The following BCO1 variants were observed in gnomAD, a reference collection of about 807,000 sequenced individuals.
BCO1 encodes beta-carotene oxygenase 1.
In BCO1, 54 loss-of-function variants were observed where a neutral mutation model predicts 56.3. The observed-to-expected ratio is 0.96, with a 90% confidence interval of 0.77 to 1.20. The LOEUF is 1.20. Ranked by LOEUF, BCO1 falls within the 50% of genes most tolerant of loss-of-function variation. The pLI is 0.00. For missense variants in BCO1, 801 were observed against 690.9 expected, an observed-to-expected ratio of 1.16 and a Z score of -1.79; for synonymous variants, 318 against 266.1, an observed-to-expected ratio of 1.20 and a Z score of -1.90.
intron 2 of BCO1, among the ~76,000 whole-genome samples, chr16:81,250,091 A>G (rs1290426865): frequency 6.6e-6 from 1 of 152,166 alleles, no homozygotes; most frequent in Non-Finnish European, 1.5e-5. Flanking sequence ...TTTCATGTCC[A>G]TCCACAACTC....
chr16:81,254,971 A>T (rs574157241), intron 2 of BCO1, among the ~76,000 whole-genome samples: 1 of 152,038 alleles, frequency 6.6e-6, no homozygotes, highest in Non-Finnish European at 1.5e-5. Context: ...ATTTGTAGAG[A>T]TGGGGTCTCG....
At chr16:81,268,679 A>ATGTATATGTGCATGTATG (rs1356348054) in intron 6 of BCO1, among the ~76,000 whole-genome samples, 1 of 152,120 alleles carries the variant, frequency 6.6e-6, no homozygotes, top group African/African-American at 2.4e-5. Flanking sequence ...ATATGTGTAC[A>ATGTATATGTGCATGTATG]TGTATATGTG....
intron 1 of BCO1, among the ~76,000 whole-genome samples, chr16:81,240,769 CTT>C (rs1268680486): frequency 6.6e-6 from 1 of 151,572 alleles, no homozygotes; most frequent in Non-Finnish European, 1.5e-5. Flanking sequence ...GAAACACTGT[CTT>C]TATTATTTGG....
At chr16:81,241,629 C>G (rs113484608) in intron 1 of BCO1, among the ~76,000 whole-genome samples, 1,912 of 152,280 alleles carry the variant, frequency 0.013, 29 homozygotes, top group African/African-American at 0.043. Flanking sequence ...TCAGGCGATT[C>G]CAAAGGTAAG....
At chr16:81,271,026 G>A (rs887219108) in intron 7 of BCO1, among the ~76,000 whole-genome samples, 1 of 152,154 alleles carries the variant, frequency 6.6e-6, no homozygotes, top group African/African-American at 2.4e-5. Context: ...TTACAGGCGT[G>A]AGCCACTGCA....
At chr16:81,268,530 C>T (rs550102226) in intron 6 of BCO1, among the ~76,000 whole-genome samples, 3 of 152,242 alleles carry the variant, frequency 2.0e-5, no homozygotes, top group East Asian at 1.9e-4. Context: ...GGGGCGGTAG[C>T]GGCCAGAGGT....
intron 8 of BCO1, among the ~76,000 whole-genome samples, chr16:81,283,970 G>A (rs1908022427): frequency 6.6e-6 from 1 of 151,744 alleles, no homozygotes; most frequent in Admixed American, 6.6e-5. Context: ...CGGATCATGA[G>A]GTCAGGAGAT....
At chr16:81,252,347 C>A (rs539094247) in intron 2 of BCO1, among the ~76,000 whole-genome samples, 1 of 152,222 alleles carries the variant, frequency 6.6e-6, no homozygotes, top group East Asian at 1.9e-4. Context: ...GCAACCTCTA[C>A]CTCCCAGGCT....
intron 7 of BCO1, 139 bp downstream of exon 7, chr16:81,270,555 C>A (rs1429104964): frequency 7.7e-6 from 9 of 1,161,670 alleles, no homozygotes. Context: ...ATTGTTTTTC[C>A]CAAAGTAGTA....
chr16:81,284,834 CTTTTCTTTTT>C (rs1169590813), intron 8 of BCO1, among the ~76,000 whole-genome samples: 1 of 147,654 alleles, frequency 6.8e-6, no homozygotes, highest in Non-Finnish European at 1.5e-5. Flanking sequence ...CTTTTCTTTT[CTTTTCTTTTT>C]TTTTTTTTTC....
intron 5 of BCO1, 145 bp downstream of exon 5, chr16:81,264,932 C>T (rs72833320): frequency 5.7e-6 from 5 of 884,626 alleles, no homozygotes; most frequent in African/African-American, 1.7e-5. Context: ...TCAGTACTTT[C>T]CTTTAGAAGA....
rs1201192259 is a variant in BCO1 at position 81,285,092 on chromosome 16, G to A, written c.1208-448G>A. 4.7e-5 allele frequency among the ~76,000 whole-genome samples: 7 copies of A among 149,790 alleles called. No individual in the cohort carries two copies. In the East Asian group the frequency reaches 8.1e-4, roughly 17 times the overall value. ...CGAACTCAAGTGATCTGCCCGCCTC[G>A]GCCTCCCAAAGTGCTGAGATTACAG... On this transcript the variant is annotated intron_variant, in intron 8 of 10. Transcript: ENST00000258168.
chr16:81,287,538 T>C, intron 10 of BCO1, 132 bp downstream of exon 10: 1 of 750,394 alleles, frequency 1.3e-6, no homozygotes, highest in Admixed American at 2.0e-5. Context: ...AGTGTACATC[T>C]GTCTGGGTCA....
At chr16:81,250,711 G>C (rs145198998) in intron 2 of BCO1, among the ~76,000 whole-genome samples, 1 of 151,350 alleles carries the variant, frequency 6.6e-6, no homozygotes, top group Non-Finnish European at 1.5e-5. Flanking sequence ...CTCTGGAGTA[G>C]CTAGGATTAC....
chr16:81,240,547 A>C (rs1334500915), intron 1 of BCO1, among the ~76,000 whole-genome samples: 1 of 152,036 alleles, frequency 6.6e-6, no homozygotes, highest in Non-Finnish European at 1.5e-5. Flanking sequence ...TCTACTAAAA[A>C]TACACAAATT....
chr16:81,248,507 A>G (rs1470928488), intron 2 of BCO1, among the ~76,000 whole-genome samples: 1 of 151,928 alleles, frequency 6.6e-6, no homozygotes, highest in East Asian at 1.9e-4. Flanking sequence ...TTGCTCTAAC[A>G]TTTACACATG....
In BCO1 at chr16:81,238,846, T is replaced by A; in HGVS notation, c.-63T>A. On this transcript the variant is annotated 5_prime_UTR_variant, in exon 1 of 11. Transcript: ENST00000258168. ...AAACGCAGGAGGAGGGAGCAGCATCTCCTGTGAACACAGAGGAGCACCTGT... is the reference window on the plus strand; with the variant it reads ...AAACGCAGGAGGAGGGAGCAGCATCACCTGTGAACACAGAGGAGCACCTGT... 2 of 1,428,772 alleles carry A rather than the reference T, an allele frequency of 1.4e-6. No individual in the cohort carries two copies. The highest frequency in any genetic ancestry group is 2.0e-6 in the Non-Finnish European group (2 of 1,011,548). The allele number at this position is 1,428,772 out of a possible 1,614,324, so 88.5% of individuals were successfully genotyped here.
intron 3 of BCO1, among the ~76,000 whole-genome samples, chr16:81,260,207 C>T (rs750986694): frequency 2.6e-5 from 4 of 151,292 alleles, no homozygotes; most frequent in Admixed American, 6.6e-5. Flanking sequence ...TGGTTAAATC[C>T]GTAACAGTAA....
intron 10 of BCO1, among the ~76,000 whole-genome samples, chr16:81,289,862 GT>G (rs1478885354): frequency 1.3e-5 from 2 of 150,104 alleles, no homozygotes; most frequent in Non-Finnish European, 2.9e-5. Flanking sequence ...TTGTTCATTC[GT>G]TTGTTTGTTC....
Sources: allele counts gnomAD v4.1 joint callset (sites outside exome capture counted in the v4.1 genomes callset), GRCh38; gene constraint gnomAD v4.1.1; transcripts MANE v1.5; gene names NCBI Gene and HGNC (gene_info 2026-07-23, HGNC 2026-07-21).